The following JMJD1C variants were observed in gnomAD, a reference collection of about 807,000 sequenced individuals.
JMJD1C encodes jumonji domain containing 1C.
Under a neutral mutation model 245.3 loss-of-function variants are expected in JMJD1C, and 31 were observed. The observed-to-expected ratio is 0.13, with a 90% confidence interval of 0.09 to 0.17. The LOEUF is 0.17. Among genes scored for constraint, JMJD1C ranks in the 10% least tolerant of loss-of-function variants. The probability of loss-of-function intolerance (pLI) is 1.00; values close to 1 mark genes in which losing one functional copy is unlikely to be tolerated. For missense variants in JMJD1C, 2,691 were observed against 3,000.2 expected (o/e 0.90, Z 2.41); for synonymous variants, 1,057 against 1,017.4 (o/e 1.04, Z -0.74).
intron 2 of JMJD1C, among the ~76,000 whole-genome samples, chr10:63,281,180 G>A (rs1338338840): frequency 5.1e-5 from 7 of 136,420 alleles, no homozygotes; most frequent in Non-Finnish European, 9.1e-5. Flanking sequence ...TGTCGCCCAC[G>A]CTGAAGTGCA....
In JMJD1C at chr10:63,465,512, G is replaced by A. The variant is rs774072492; in HGVS notation, c.151C>T (p.Arg51Cys). The A allele has an allele frequency of 3.1e-6, 5 of 1,604,520 alleles. No homozygotes were observed. The highest frequency in any genetic ancestry group is 4.2e-6 in the Non-Finnish European group (5 of 1,177,926). ...VIRAVSHRDS[R>C]NPDLAVYVEF... is the part of the protein sequence containing the mutation. The stretch of plus-strand genomic sequence containing the variant: ...TCTCTTACCGCCAGGTCCGGATTGC[G>A]GCTGTCCCTGTGTGACACGGCTCGG... Residue 51 changes from arginine (R) to cysteine (C), a missense_variant, in exon 1 of 26, where the codon CGC (arginine) becomes TGC (cysteine). By Grantham distance (180) the Arg-to-Cys change is radical. Transcript: ENST00000399262.
In JMJD1C at chr10:63,465,532, G is replaced by C; in HGVS notation, c.131C>G (p.Ala44Gly). 1 of 1,604,842 alleles carries C rather than the reference G, an allele frequency of 6.2e-7. No individual in the cohort carries two copies. The highest frequency in any genetic ancestry group is 1.1e-5 in the South Asian group (1 of 90,504). The part of the protein sequence containing the change: ...WRSWRAGVIR[A>G]VSHRDSRNPD... ...ATTGCGGCTGTCCCTGTGTGACACG[G>C]CTCGGATGACCCCCGCTCGCCAGCT... The change falls in exon 1 of 26, where the codon GCC (alanine) becomes GGC (glycine). Residue 44 changes from alanine to glycine, a missense_variant. Transcript: ENST00000399262.
intron 18 of JMJD1C, among the ~76,000 whole-genome samples, chr10:63,187,675 G>T (rs908807987): frequency 6.6e-6 from 1 of 152,100 alleles, no homozygotes; most frequent in Admixed American, 6.6e-5. Flanking sequence ...GGGCTGAAGC[G>T]ATCAATCGTC....
Position 63,208,202 on chromosome 10 carries a change from C to G in JMJD1C, c.3467G>C (p.Ser1156Thr). 6.2e-7 allele frequency: 1 copy of G among 1,613,978 alleles called. No homozygotes were observed. Among genetic ancestry groups the G allele is most frequent in the Non-Finnish European group, 8.5e-7 (1 of 1,179,896 alleles). ...PPPLIKHQPE[S>T]EGLVGKIPEH... is the part of the protein sequence containing the mutation. ...TGGTATCTTGCCTACTAAACCTTCA[C>G]TTTCTGGTTGGTGTTTAATCAAAGG... is the stretch of plus-strand genomic sequence containing the variant. The change falls in exon 10 of 26, where the codon AGT becomes ACT. Residue 1156 changes from serine to threonine, a missense_variant. By Grantham distance (58) the Ser-to-Thr change is moderately conservative. Transcript: ENST00000399262.
chr10:63,421,603 C>T (rs905776523), intron 1 of JMJD1C, among the ~76,000 whole-genome samples: 8 of 152,052 alleles, frequency 5.3e-5, no homozygotes, highest in African/African-American at 1.9e-4. Flanking sequence ...CTCCTTCCCC[C>T]CAATTAATAT....
chr10:63,362,157 C>G (rs556045970), intron 2 of JMJD1C, among the ~76,000 whole-genome samples: 62 of 151,428 alleles, frequency 4.1e-4, no homozygotes, highest in African/African-American at 1.5e-3. Context: ...ATCACTCGAA[C>G]CTGGGAGGCG....
chr10:63,382,928 T>C, intron 1 of JMJD1C: 1 of 450,964 alleles, frequency 2.2e-6, no homozygotes, highest in South Asian at 1.6e-5. Flanking sequence ...CTGCAATTAC[T>C]TTTTTTATAG....
intron 1 of JMJD1C, among the ~76,000 whole-genome samples, chr10:63,477,271 T>C (rs566072034): frequency 5.9e-5 from 9 of 152,140 alleles, no homozygotes; most frequent in Non-Finnish European, 1.2e-4. Flanking sequence ...ATGAAGAAAC[T>C]GGAACAGCCA....
intron 2 of JMJD1C, among the ~76,000 whole-genome samples, chr10:63,359,974 T>C (rs1686655129): frequency 6.6e-6 from 1 of 152,062 alleles, no homozygotes; most frequent in South Asian, 2.1e-4. Flanking sequence ...ACCTTATCTT[T>C]TCTAAAGATA....
chr10:63,453,796 T>C (rs1281171527), intron 1 of JMJD1C, among the ~76,000 whole-genome samples: 7 of 152,242 alleles, frequency 4.6e-5, no homozygotes, highest in Admixed American at 4.6e-4. Context: ...TGAAGGACAG[T>C]AGCGCTACTT....
intron 2 of JMJD1C, among the ~76,000 whole-genome samples, chr10:63,307,187 A>C (rs932575262): frequency 2.0e-5 from 3 of 152,218 alleles, no homozygotes; most frequent in Non-Finnish European, 4.4e-5. Flanking sequence ...TTTAAAAAAA[A>C]AAATCTTGCT....
At position 63,193,302 on chromosome 10, in the gene JMJD1C, T is replaced by G. The variant is rs564560669; in HGVS notation, c.5862+43A>C. ...CAAATAAATATCAAAGTTGACTAAT[T>G]TAACCACAGATTTTATTTGAATAAC... On this transcript the variant is annotated intron_variant, in intron 15 of 25. Coordinates refer to ENST00000399262, the MANE Select transcript of JMJD1C (RefSeq NM_032776.3). The G allele has an allele frequency of 2.5e-5, 39 of 1,549,130 alleles. 1 individual carries two copies. The African/African-American group carries it at 3.6e-4, about 14-fold the overall frequency.
intron 3 of JMJD1C, among the ~76,000 whole-genome samples, chr10:63,252,548 T>G (rs1321566790): frequency 6.6e-6 from 1 of 152,212 alleles, no homozygotes; most frequent in Non-Finnish European, 1.5e-5. Flanking sequence ...GAATTTGGAC[T>G]TGTTAGTCCC....
intron 1 of JMJD1C, among the ~76,000 whole-genome samples, chr10:63,457,709 G>A (rs939129128): frequency 6.6e-6 from 1 of 152,166 alleles, no homozygotes; most frequent in Non-Finnish European, 1.5e-5. Flanking sequence ...AGGGAATTTC[G>A]GGTTTTTACT....
At chr10:63,226,057 C>T (rs4335432) in intron 3 of JMJD1C, among the ~76,000 whole-genome samples, 95,171 of 148,878 alleles carry the variant, frequency 0.64, 32,719 homozygotes, top group Non-Finnish European at 0.78. Context: ...ACTATTATTG[C>T]CTTTTAAAAT....
At chr10:63,423,615 A>T (rs1395641489) in intron 1 of JMJD1C, among the ~76,000 whole-genome samples, 1 of 152,204 alleles carries the variant, frequency 6.6e-6, no homozygotes, top group Non-Finnish European at 1.5e-5. Flanking sequence ...GTACTGGCAT[A>T]CAAGTATCTG....
chr10:63,442,491 C>G (rs1951449243), intron 1 of JMJD1C, among the ~76,000 whole-genome samples: 1 of 152,154 alleles, frequency 6.6e-6, no homozygotes, highest in Non-Finnish European at 1.5e-5. Context: ...TCATCTGTAA[C>G]TTCTAGCAAT....
intron 2 of JMJD1C, among the ~76,000 whole-genome samples, chr10:63,271,343 A>C (rs1210409732): frequency 6.6e-6 from 1 of 151,284 alleles, no homozygotes; most frequent in East Asian, 1.9e-4. Context: ...TGCCCGGCTA[A>C]TTTTTGTATT....
intron 2 of JMJD1C, among the ~76,000 whole-genome samples, chr10:63,345,653 G>A (rs1231821157): frequency 6.6e-6 from 1 of 152,090 alleles, no homozygotes; most frequent in Admixed American, 6.6e-5. Context: ...ACTAGCCAGA[G>A]GTTAGGAGTA....
Sources: gnomAD v4.1 joint callset for allele counts (sites outside exome capture counted in the v4.1 genomes callset) on GRCh38, gnomAD v4.1.1 for gene constraint, MANE v1.5 for transcripts, NCBI Gene and HGNC (gene_info 2026-07-23, HGNC 2026-07-21) for gene names.